Variants in IL18R1 observed in about 807,000 individuals in gnomAD.
IL18R1 encodes interleukin 18 receptor 1.
A neutral mutation model predicts 48.5 loss-of-function variants in IL18R1; 40 were observed. The observed-to-expected ratio is 0.82, with a 90% CI of 0.64 to 1.07. The LOEUF (loss-of-function observed/expected upper bound fraction) is 1.07. IL18R1 is among the 50% of genes least tolerant of loss of function. The probability of loss-of-function intolerance (pLI) is 0.00; values close to 1 mark genes in which losing one functional copy is unlikely to be tolerated. For synonymous variants in IL18R1, 232 were observed against 225.9 expected, an observed-to-expected ratio of 1.03 and a Z score of -0.24; for missense variants, 596 against 633.7, an observed-to-expected ratio of 0.94 and a Z score of 0.64.
intron 9 of IL18R1, among the ~76,000 whole-genome samples, chr2:102,390,934 C>CAAAAAAAAAAAAAAA (rs57709990): frequency 3.6e-4 from 29 of 80,196 alleles, no homozygotes; most frequent in African/African-American, 9.4e-4. Context: ...GACTCCGTCT[C>CAAAAAAAAAAAAAAA]AAAAAAAAAA....
At chr2:102,390,777 C>CA (rs992254325) in intron 9 of IL18R1, among the ~76,000 whole-genome samples, 3 of 151,690 alleles carry the variant, frequency 2.0e-5, no homozygotes, top group Non-Finnish European at 4.4e-5. Context: ...ACTAAAAATA[C>CA]AAAAAATTAG....
At chr2:102,394,374 G>T in intron 9 of IL18R1, 95 bp from the exon 10 acceptor site, 2 of 973,678 alleles carry the variant, frequency 2.1e-6, no homozygotes, top group South Asian at 4.3e-5. Flanking sequence ...TTTTTTCAAT[G>T]ATTCTATACT....
chr2:102,367,987 C>G lies in IL18R1; in HGVS notation c.221C>G (p.Ser74Trp). The G allele has an allele frequency of 6.2e-7, 1 of 1,614,144 alleles. No individual in the cohort carries two copies. The highest frequency in any genetic ancestry group is 8.5e-7 in the Non-Finnish European group (1 of 1,180,018). ...EHVELNPRSS[S>W]RIALHDCVLE... ...GTGGAGCTGAACCCAAGGAGTTCCTCGAGAATTGCTTTGCATGATTGTGTT... is the reference window on the plus strand; with the variant it reads ...GTGGAGCTGAACCCAAGGAGTTCCTGGAGAATTGCTTTGCATGATTGTGTT... Residue 74 changes from serine to tryptophan, a missense_variant, in exon 3 of 11, where the codon TCG becomes TGG. Coordinates refer to ENST00000233957, the MANE Select transcript of IL18R1 (RefSeq NM_003855.5).
intron 2 of IL18R1, among the ~76,000 whole-genome samples, chr2:102,367,319 A>G (rs1678963800): frequency 6.6e-6 from 1 of 152,294 alleles, no homozygotes; most frequent in South Asian, 2.1e-4. Flanking sequence ...AACCATCCCC[A>G]CACTTACCAG....
At chr2:102,366,398 C>T (rs1455465320) in intron 2 of IL18R1, among the ~76,000 whole-genome samples, 5 of 152,330 alleles carry the variant, frequency 3.3e-5, no homozygotes, top group Admixed American at 6.5e-5. Flanking sequence ...TTGTCCATAA[C>T]ATTATCAGCA....
chr2:102,397,769 A>G lies in IL18R1; in HGVS notation c.*883A>G, dbSNP rs999550832. ...AAAAATGCCCTTGGCATAAGGCAGC[A>G]TGGTGTGGCAGTTAAGAGATGGGCT... On this transcript the variant is annotated 3_prime_UTR_variant, in exon 11 of 11. Coordinates refer to ENST00000233957, the MANE Select transcript of IL18R1 (RefSeq NM_003855.5). 6.6e-6 allele frequency: 1 copy of G among 152,348 alleles called. No individual in the cohort carries two copies. Among genetic ancestry groups the G allele is most frequent in the Non-Finnish European group, 1.5e-5 (1 of 68,044 alleles). The allele number at this position is 152,348 out of a possible 1,614,324, so 9.4% of individuals were successfully genotyped here.
chr2:102,393,678 C>T (rs1030395274), intron 9 of IL18R1, among the ~76,000 whole-genome samples: 7 of 152,126 alleles, frequency 4.6e-5, no homozygotes, highest in African/African-American at 1.7e-4. Flanking sequence ...TAAATCTTAC[C>T]CATCTGCCAT....
chr2:102,358,697 C>T (rs1447785204), intron 1 of IL18R1, among the ~76,000 whole-genome samples: 8 of 152,190 alleles, frequency 5.3e-5, no homozygotes, highest in Admixed American at 5.2e-4. Context: ...CTCCAGACCA[C>T]TGGGTGGAGC....
intron 6 of IL18R1, among the ~76,000 whole-genome samples, chr2:102,383,237 G>A (rs1247882555): frequency 6.6e-6 from 1 of 152,134 alleles, no homozygotes. Flanking sequence ...TGTTCCAAGT[G>A]CATTTGAAAC....
In IL18R1 at chr2:102,368,033, G is replaced by A; in HGVS notation, c.267G>A (p.Glu89=). 1.2e-6 allele frequency: 2 copies of A among 1,614,214 alleles called. No homozygotes were observed. The highest frequency in any genetic ancestry group is 1.7e-6 in the Non-Finnish European group (2 of 1,180,038). The part of the protein sequence containing the change: ...HDCVLEFWPV[E]LNDTGSYFFQ... ...GTGTTTTGGAGTTTTGGCCAGTTGA[G>A]TTGAATGACACAGGATCTTACTTTT... Residue 89 remains glutamate (E), a synonymous_variant, in exon 3 of 11, where the codon GAG becomes GAA. Transcript: ENST00000233957.
rs370858300 is a variant in IL18R1, at chr2:102,390,040, T to C, written c.950-16T>C. On this transcript the variant is annotated splice_polypyrimidine_tract_variant and intron_variant, in intron 8 of 10. Transcript: ENST00000233957. ...TTCTTGATTATTTTCTTTTCCTTTT[T>C]CCCTTTCTTTTCTAGCAGACATGGC... The C allele has an allele frequency of 1.2e-6, 2 of 1,612,846 alleles. No homozygotes were observed. The highest frequency in any genetic ancestry group is 1.1e-5 in the South Asian group (1 of 90,944).
chr2:102,370,577 G>A (rs1679192232), intron 3 of IL18R1, among the ~76,000 whole-genome samples: 1 of 152,206 alleles, frequency 6.6e-6, no homozygotes, highest in South Asian at 2.1e-4. Flanking sequence ...ATAAATTCAT[G>A]CCCAAGGTGA....
intron 9 of IL18R1, 141 bp downstream of exon 9, chr2:102,390,358 C>A: frequency 1.3e-6 from 1 of 757,632 alleles, no homozygotes; most frequent in Non-Finnish European, 2.1e-6. Context: ...ATTGTTCTGC[C>A]TGTACCATCC....
Position 102,397,669 on chromosome 2 carries a change from G to T in IL18R1, c.*783G>T, listed in dbSNP as rs1219926750. ...TTTGTGTGAATGTTTATATCAAAAT[G>T]TTTGCCAGGTTGTATTAGCCATTGA... On this transcript the variant is annotated 3_prime_UTR_variant, in exon 11 of 11. Transcript: ENST00000233957. 5 of 152,360 alleles carry T rather than the reference G, an allele frequency of 3.3e-5. No individual in the cohort carries two copies. The allele number at this position is 152,360 out of a possible 1,614,324, so 9.4% of individuals were successfully genotyped here.
In IL18R1 at chr2:102,356,245, T is replaced by A; in HGVS notation, c.-184T>A. 1 of 522,642 alleles carries A rather than the reference T, an allele frequency of 1.9e-6. No homozygotes were observed. Among genetic ancestry groups the A allele is most frequent in the Non-Finnish European group, 2.5e-6 (1 of 407,558 alleles). The allele number at this position is 522,642 out of a possible 1,614,324, so 32.4% of individuals were successfully genotyped here. On this transcript the variant is annotated 5_prime_UTR_variant, in exon 1 of 11. Transcript: ENST00000233957. ...TTTGTAGCCCTCTCTGGGTGCCTTATCTCTTTAATCACACCTCTCTTTCAC... is the reference window on the plus strand; with the variant it reads ...TTTGTAGCCCTCTCTGGGTGCCTTAACTCTTTAATCACACCTCTCTTTCAC...
At chr2:102,379,546 C>A (rs984647307) in intron 5 of IL18R1, among the ~76,000 whole-genome samples, 2 of 151,864 alleles carry the variant, frequency 1.3e-5, no homozygotes, top group African/African-American at 4.8e-5. Flanking sequence ...GCATGGACAG[C>A]CATGTAGAAA....
intron 3 of IL18R1, among the ~76,000 whole-genome samples, chr2:102,371,086 C>T (rs1472703949): frequency 4.0e-5 from 6 of 149,004 alleles, no homozygotes; most frequent in South Asian, 2.1e-4. Flanking sequence ...GATGGAATTT[C>T]GCTCTTGTTA....
intron 9 of IL18R1, among the ~76,000 whole-genome samples, chr2:102,391,811 G>A (rs192985692): frequency 1.9e-3 from 282 of 152,318 alleles, no homozygotes; most frequent in Non-Finnish European, 3.2e-3. Flanking sequence ...CTATGCAAGA[G>A]AACCAGCAAC....
At chr2:102,371,514 T>C (rs528691268) in intron 3 of IL18R1, among the ~76,000 whole-genome samples, 18 of 152,250 alleles carry the variant, frequency 1.2e-4, no homozygotes, top group African/African-American at 3.4e-4. Flanking sequence ...AAACAAAACC[T>C]AATATATATA....
Sources: allele counts gnomAD v4.1 joint callset (sites outside exome capture counted in the v4.1 genomes callset), GRCh38; gene constraint gnomAD v4.1.1; transcripts MANE v1.5; gene names NCBI Gene and HGNC (gene_info 2026-07-23, HGNC 2026-07-21).